TAFA1: variants seen among roughly 807,000 people sequenced by gnomAD.
TAFA1 encodes the protein TAFA chemokine like family member 1, also known as chemokine-like protein TAFA-1.
Under a neutral mutation model 18.5 loss-of-function variants are expected in TAFA1, and 4 were observed. That is an observed-to-expected ratio of 0.22 (90% CI 0.11 to 0.49). TAFA1 has a LOEUF of 0.49. Among genes scored for constraint, TAFA1 ranks in the 20% least tolerant of loss-of-function variants. The pLI, the probability that TAFA1 is intolerant of heterozygous loss-of-function variation, is 0.98. For synonymous variants in TAFA1, 56 were observed against 55.2 expected (o/e 1.01, Z -0.06); for missense variants, 147 against 169.0 (o/e 0.87, Z 0.72).
intron 3 of TAFA1, among the ~76,000 whole-genome samples, chr3:68,426,296 C>T (rs1360150759): frequency 1.3e-5 from 2 of 151,794 alleles, no homozygotes; most frequent in East Asian, 3.9e-4. Context: ...AATCCTCTCA[C>T]ATCATAATTG....
chr3:68,081,468 T>A (rs1345196608), intron 2 of TAFA1, among the ~76,000 whole-genome samples: 1 of 151,742 alleles, frequency 6.6e-6, no homozygotes, highest in African/African-American at 2.4e-5. Flanking sequence ...TCTTTGATGA[T>A]GGTGATGTAC....
chr3:68,231,343 G>GTTTTT (rs2066868321), intron 2 of TAFA1, among the ~76,000 whole-genome samples: 2 of 103,664 alleles, frequency 1.9e-5, no homozygotes, highest in African/African-American at 7.1e-5. Flanking sequence ...TAATCTATTT[G>GTTTTT]ATTTTTTTTT....
chr3:68,064,687 T>A (rs1381205671), intron 2 of TAFA1, among the ~76,000 whole-genome samples: 2 of 151,814 alleles, frequency 1.3e-5, no homozygotes, highest in African/African-American at 4.8e-5. Context: ...GAAAGCTTCT[T>A]AACTCCTCAG....
chr3:68,054,083 A>G (rs754630037), intron 2 of TAFA1, among the ~76,000 whole-genome samples: 30 of 152,106 alleles, frequency 2.0e-4, no homozygotes, highest in Non-Finnish European at 2.2e-4. Flanking sequence ...ACAGATATGA[A>G]GTTTTAATTT....
At chr3:68,024,833 A>AC (rs397978695) in intron 2 of TAFA1, among the ~76,000 whole-genome samples, 97,487 of 151,094 alleles carry the variant, frequency 0.65, 31,778 homozygotes, top group South Asian at 0.78. Flanking sequence ...ACACACACAC[A>AC]ATTATACATT....
At position 68,145,313 on chromosome 3, in the gene TAFA1, C is replaced by A. The variant is rs780944748; in HGVS notation, c.118+138569C>A. On this transcript the variant is annotated intron_variant, in intron 2 of 4. Transcript: ENST00000478136. ...TCATCAGTGGTCTGAGACAGTCCAG[C>A]CAATTATGGAAGCACTTAGAGATGC... 22 of 791,880 alleles carry A rather than the reference C, an allele frequency of 2.8e-5. No individual in the cohort carries two copies. In the East Asian group the frequency reaches 5.3e-4, roughly 19 times the overall value. The allele number at this position is 791,880 out of a possible 1,614,324, so 49.1% of individuals were successfully genotyped here.
chr3:68,360,038 C>G (rs2069441133), intron 2 of TAFA1, among the ~76,000 whole-genome samples: 2 of 151,926 alleles, frequency 1.3e-5, no homozygotes, highest in African/African-American at 4.8e-5. Flanking sequence ...TTGTATTTAT[C>G]AGGATCAATC....
chr3:68,318,224 T>C (rs1420206977), intron 2 of TAFA1, among the ~76,000 whole-genome samples: 1 of 152,172 alleles, frequency 6.6e-6, no homozygotes, highest in Non-Finnish European at 1.5e-5. Context: ...CAAGGCAAAT[T>C]GTGCCCTTCT....
In TAFA1 at chr3:68,031,168, G is replaced by A. The variant is rs1243737706; in HGVS notation, c.118+24424G>A. 2.6e-5 allele frequency among the ~76,000 whole-genome samples: 4 copies of A among 152,140 alleles called. No homozygotes were observed. In the East Asian group the frequency reaches 7.7e-4, roughly 29 times the overall value. ...AGAAAACAAAAATCCTTATGGAAGA[G>A]AAGAGACCTGAAGGTTTGAGTCGAT... On this transcript the variant is annotated intron_variant, in intron 2 of 4. Transcript: ENST00000478136.
chr3:68,229,610 T>A (rs1264597488), intron 2 of TAFA1, among the ~76,000 whole-genome samples: 2 of 152,228 alleles, frequency 1.3e-5, no homozygotes, highest in Non-Finnish European at 2.9e-5. Context: ...CCAAGATGAT[T>A]ATAACATAGT....
At chr3:68,030,990 C>G (rs920958259) in intron 2 of TAFA1, among the ~76,000 whole-genome samples, 2 of 152,112 alleles carry the variant, frequency 1.3e-5, no homozygotes, top group East Asian at 1.9e-4. Flanking sequence ...AAGAATTGTA[C>G]CAACAAAAAA....
intron 3 of TAFA1, among the ~76,000 whole-genome samples, chr3:68,417,912 C>T (rs2070870753): frequency 6.6e-6 from 1 of 152,080 alleles, no homozygotes; most frequent in Non-Finnish European, 1.5e-5. Flanking sequence ...AGGTACTACA[C>T]AATTTTAAAC....
intron 2 of TAFA1, among the ~76,000 whole-genome samples, chr3:68,398,324 G>A (rs2106737680): frequency 6.6e-6 from 1 of 152,308 alleles, no homozygotes; most frequent in South Asian, 2.1e-4. Context: ...ATGGGGAAAG[G>A]ATTCCCTATT....
intron 2 of TAFA1, among the ~76,000 whole-genome samples, chr3:68,090,766 C>T (rs563470847): frequency 9.2e-5 from 14 of 152,176 alleles, no homozygotes; most frequent in Non-Finnish European, 2.1e-4. Context: ...ATCAATTAAT[C>T]TGCCCAGCTG....
intron 2 of TAFA1, among the ~76,000 whole-genome samples, chr3:68,060,947 CCA>C (rs1427701808): frequency 1.3e-5 from 2 of 152,146 alleles, no homozygotes; most frequent in Non-Finnish European, 2.9e-5. Flanking sequence ...TTCAACAGAT[CCA>C]CAGTGGGTGT....
chr3:68,431,691 C>A (rs2071175635), intron 3 of TAFA1, among the ~76,000 whole-genome samples: 1 of 152,008 alleles, frequency 6.6e-6, no homozygotes, highest in Admixed American at 6.6e-5. Flanking sequence ...TGACTTGGAA[C>A]ACACAGAGGC....
intron 2 of TAFA1, among the ~76,000 whole-genome samples, chr3:68,169,320 C>A (rs1299162834): frequency 6.6e-6 from 1 of 152,200 alleles, no homozygotes; most frequent in Non-Finnish European, 1.5e-5. Context: ...GGAACTGAGG[C>A]CCTTGAATAA....
chr3:68,052,447 CACGTGGA>C (rs1344855784), intron 2 of TAFA1, among the ~76,000 whole-genome samples: 9 of 152,118 alleles, frequency 5.9e-5, no homozygotes, highest in African/African-American at 2.2e-4. Context: ...TCCTCTAACC[CACGTGGA>C]ACTTTGGACT....
At chr3:68,371,498 T>A (rs543132130) in intron 2 of TAFA1, among the ~76,000 whole-genome samples, 1 of 152,300 alleles carries the variant, frequency 6.6e-6, no homozygotes, top group East Asian at 1.9e-4. Context: ...GTTCCTGTGT[T>A]AGTTTGCTGA....
Sources: allele counts gnomAD v4.1 joint callset (sites outside exome capture counted in the v4.1 genomes callset), GRCh38; gene constraint gnomAD v4.1.1; transcripts MANE v1.5; gene names NCBI Gene and HGNC (gene_info 2026-07-23, HGNC 2026-07-21).